The following GRID1 variants were observed in gnomAD, a reference collection of about 807,000 sequenced individuals.
The protein encoded by GRID1 is glutamate ionotropic receptor delta type subunit 1.
Under a neutral mutation model 98.0 loss-of-function variants are expected in GRID1, and 28 were observed. That is an observed-to-expected ratio of 0.29 (90% CI 0.21 to 0.39). GRID1 has a LOEUF of 0.39. Ranked by LOEUF, GRID1 falls within the 10% of genes least tolerant of loss-of-function variation. The pLI, the probability that GRID1 is intolerant of heterozygous loss-of-function variation, is 1.00. For missense variants in GRID1, 1,111 were observed against 1,340.5 expected (o/e 0.83, Z 2.67); for synonymous variants, 553 against 538.5 (o/e 1.03, Z -0.37).
intron 2 of GRID1, among the ~76,000 whole-genome samples, chr10:86,238,422 G>A (rs1846574265): frequency 6.6e-6 from 1 of 152,226 alleles, no homozygotes; most frequent in Non-Finnish European, 1.5e-5. Flanking sequence ...AGCACTTTGG[G>A]AGGCTGAGGC....
intron 4 of GRID1, among the ~76,000 whole-genome samples, chr10:85,983,543 G>A (rs1334284283): frequency 6.6e-6 from 1 of 152,164 alleles, no homozygotes; most frequent in East Asian, 1.9e-4. Context: ...TTAAAGATGA[G>A]AGAACTGAAG....
At chr10:85,702,305 T>G (rs1336230795) in intron 12 of GRID1, among the ~76,000 whole-genome samples, 1 of 151,996 alleles carries the variant, frequency 6.6e-6, no homozygotes, top group Non-Finnish European at 1.5e-5. Flanking sequence ...TCATTAATAT[T>G]GCTAAAAGGC....
At chr10:85,981,548 G>A (rs1450789130) in intron 4 of GRID1, among the ~76,000 whole-genome samples, 1 of 152,146 alleles carries the variant, frequency 6.6e-6, no homozygotes, top group Admixed American at 6.5e-5. Context: ...GTTCATCCAA[G>A]CTCTGCCTTC....
chr10:85,863,047 C>A (rs535498230), intron 6 of GRID1, among the ~76,000 whole-genome samples: 1 of 152,188 alleles, frequency 6.6e-6, no homozygotes, highest in Non-Finnish European at 1.5e-5. Context: ...CTCCCCATCG[C>A]GTACAACACC....
intron 2 of GRID1, among the ~76,000 whole-genome samples, chr10:86,336,656 AC>A (rs1382129241): frequency 1.3e-5 from 2 of 152,348 alleles, no homozygotes; most frequent in South Asian, 4.1e-4. Flanking sequence ...CATATCAGGT[AC>A]TAAAGCGCAA....
chr10:85,866,197 T>C (rs577992420), intron 6 of GRID1, among the ~76,000 whole-genome samples: 1 of 147,604 alleles, frequency 6.8e-6, no homozygotes, highest in South Asian at 2.1e-4. Context: ...GGACAGTAAG[T>C]GGTACACAAA....
At chr10:85,944,196 C>A (rs1440034233) in intron 4 of GRID1, among the ~76,000 whole-genome samples, 1 of 152,224 alleles carries the variant, frequency 6.6e-6, no homozygotes, top group Non-Finnish European at 1.5e-5. Context: ...CTGAGCCCAG[C>A]CCAAACTGGT....
chr10:86,069,685 G>A (rs965189817), intron 4 of GRID1, among the ~76,000 whole-genome samples: 2 of 152,150 alleles, frequency 1.3e-5, no homozygotes, highest in African/African-American at 2.4e-5. Context: ...CTCCTTCCCC[G>A]ACATCCTGAA....
In GRID1 at chr10:86,365,377, G is replaced by GC. The variant is rs1358181580; in HGVS notation, c.79+936dup. Among the ~76,000 whole-genome samples the GC allele has an allele frequency of 1.3e-5, 2 of 148,938 alleles. No homozygotes were observed. The highest frequency in any genetic ancestry group is 3.0e-5 in the Non-Finnish European group (2 of 67,470). ...GACTCCCCCAAAGCGACCGCTGTCA[G>GC]CCCCCCAACTCGGCCCAACTTCCCG... On this transcript the variant is annotated intron_variant, in intron 1 of 15. Coordinates refer to ENST00000327946, the MANE Select transcript of GRID1 (RefSeq NM_017551.3). The surrounding 1 kb of genome is among the most constrained non-coding windows in gnomAD (Gnocchi z 4.8).
intron 12 of GRID1, among the ~76,000 whole-genome samples, chr10:85,685,632 A>G (rs1841260655): frequency 6.6e-6 from 1 of 152,198 alleles, no homozygotes; most frequent in African/African-American, 2.4e-5. Flanking sequence ...AGACGTGGAT[A>G]TAATAGTTAC....
chr10:86,008,071 T>C (rs562754483), intron 4 of GRID1, among the ~76,000 whole-genome samples: 16 of 152,074 alleles, frequency 1.1e-4, no homozygotes, highest in Admixed American at 3.3e-4. Flanking sequence ...TGTATATAAA[T>C]ACAGATTAAA....
At chr10:85,648,940 C>G (rs570128018) in intron 12 of GRID1, among the ~76,000 whole-genome samples, 2 of 152,342 alleles carry the variant, frequency 1.3e-5, no homozygotes, top group East Asian at 1.9e-4. Flanking sequence ...CCCCCACAAC[C>G]AACACTGTGG....
At chr10:85,757,342 G>A (rs1842108951) in intron 8 of GRID1, among the ~76,000 whole-genome samples, 1 of 152,248 alleles carries the variant, frequency 6.6e-6, no homozygotes, top group Non-Finnish European at 1.5e-5. Context: ...TGCTGCTGTT[G>A]TGAGAACTGT....
chr10:86,177,508 G>C (rs1227221865), intron 3 of GRID1, among the ~76,000 whole-genome samples: 4 of 152,182 alleles, frequency 2.6e-5, no homozygotes, highest in Non-Finnish European at 4.4e-5. Context: ...GTGTGCATGA[G>C]AGAGACAGAG....
intron 8 of GRID1, among the ~76,000 whole-genome samples, chr10:85,851,517 T>A (rs1027339976): frequency 1.3e-5 from 2 of 152,210 alleles, no homozygotes; most frequent in African/African-American, 4.8e-5. Flanking sequence ...ATCTACAGTC[T>A]CTTGATGCCA....
At chr10:85,883,838 C>T (rs576499635) in intron 5 of GRID1, among the ~76,000 whole-genome samples, 4 of 152,240 alleles carry the variant, frequency 2.6e-5, no homozygotes, top group Middle Eastern at 3.4e-3. Flanking sequence ...GAAAACTCCC[C>T]GCTCCATGCA....
chr10:85,647,152 C>T (rs748874634), intron 13 of GRID1, 50 bp downstream of exon 13: 3 of 1,488,986 alleles, frequency 2.0e-6, no homozygotes, highest in South Asian at 2.3e-5. Context: ...GGGCTGACCA[C>T]CCCGTGGCCC....
intron 4 of GRID1, among the ~76,000 whole-genome samples, chr10:86,093,933 T>A (rs1000155150): frequency 1.3e-5 from 2 of 152,182 alleles, no homozygotes; most frequent in African/African-American, 4.8e-5. Context: ...TGAACATAGA[T>A]GCTAAAATCT....
chr10:86,018,379 ATAACCC>A (rs1186982949), intron 4 of GRID1, among the ~76,000 whole-genome samples: 1 of 152,242 alleles, frequency 6.6e-6, no homozygotes, highest in Admixed American at 6.5e-5. Flanking sequence ...CTGGCCTCCC[ATAACCC>A]TGTCAGGGGA....
Sources: gnomAD v4.1 joint callset for allele counts (sites outside exome capture counted in the v4.1 genomes callset) on GRCh38, gnomAD v4.1.1 for gene constraint, Gnocchi (gnomAD v3.1) non-coding constraint, MANE v1.5 for transcripts, NCBI Gene and HGNC (gene_info 2026-07-23, HGNC 2026-07-21) for gene names.